Variants in CAMK2D observed in about 807,000 individuals in gnomAD.
CAMK2D encodes the protein calcium/calmodulin dependent protein kinase II delta.
CAMK2D carries 37 observed loss-of-function variants against 84.0 expected under a neutral mutation model. That is an observed-to-expected ratio of 0.44 (90% CI 0.34 to 0.58). The LOEUF is 0.58. Ranked by LOEUF, CAMK2D falls within the 20% of genes least tolerant of loss-of-function variation. CAMK2D has a pLI of 0.02. For synonymous variants in CAMK2D, 202 were observed against 212.5 expected (o/e 0.95, Z 0.43); for missense variants, 448 against 652.5 (o/e 0.69, Z 3.41).
chr4:113,505,697 C>G (rs2098119773), intron 13 of CAMK2D, among the ~76,000 whole-genome samples: 1 of 151,994 alleles, frequency 6.6e-6, no homozygotes, highest in Admixed American at 6.6e-5. Context: ...CATTTTCTGT[C>G]AATGTGCTAC....
chr4:113,603,704 CTTG>C (rs1199147835), intron 4 of CAMK2D, among the ~76,000 whole-genome samples: 4 of 142,828 alleles, frequency 2.8e-5, no homozygotes, highest in South Asian at 2.2e-4. Context: ...ATATATATTT[CTTG>C]TTATTATATA....
At chr4:113,630,797 G>T (rs1198832487) in intron 3 of CAMK2D, among the ~76,000 whole-genome samples, 1 of 152,142 alleles carries the variant, frequency 6.6e-6, no homozygotes, top group African/African-American at 2.4e-5. Flanking sequence ...GATGGGACAA[G>T]TCTACAAGCC....
intron 4 of CAMK2D, among the ~76,000 whole-genome samples, chr4:113,576,048 T>G (rs1323542489): frequency 6.6e-6 from 1 of 152,202 alleles, no homozygotes; most frequent in Non-Finnish European, 1.5e-5. Context: ...ATATATATAT[T>G]TAGACAGAGG....
intron 6 of CAMK2D, among the ~76,000 whole-genome samples, chr4:113,537,785 A>G (rs2098503509): frequency 1.3e-5 from 2 of 152,204 alleles, no homozygotes; most frequent in Non-Finnish European, 2.9e-5. Flanking sequence ...ACATTGACTT[A>G]GAAGCCTAAC....
intron 4 of CAMK2D, among the ~76,000 whole-genome samples, chr4:113,601,683 CTTT>C (rs755850795): frequency 1.7e-3 from 80 of 45,818 alleles, no homozygotes; most frequent in African/African-American, 7.3e-3. Flanking sequence ...ACTGTTTATT[CTTT>C]TTTTTTTTTT....
chr4:113,703,267 G>A (rs1438114234), intron 2 of CAMK2D, among the ~76,000 whole-genome samples: 2 of 152,180 alleles, frequency 1.3e-5, no homozygotes, highest in Non-Finnish European at 1.5e-5. Context: ...TATTAGTGGT[G>A]TAGAGAAAAT....
At chr4:113,509,184 C>T (rs1275233143) in intron 13 of CAMK2D, among the ~76,000 whole-genome samples, 2 of 152,066 alleles carry the variant, frequency 1.3e-5, no homozygotes, top group Non-Finnish European at 1.5e-5. Flanking sequence ...TAAAAACTGC[C>T]CAAGCAGATT....
chr4:113,547,793 T>TTAAA, intron 5 of CAMK2D, 77 bp from the exon 6 acceptor site: 1 of 899,096 alleles, frequency 1.1e-6, no homozygotes, highest in Non-Finnish European at 1.7e-6. Flanking sequence ...AGAGACTGGG[T>TTAAA]TAAAGTGCAG....
chr4:113,487,794 T>A (rs957959625), intron 16 of CAMK2D, among the ~76,000 whole-genome samples: 1 of 152,032 alleles, frequency 6.6e-6, no homozygotes, highest in African/African-American at 2.4e-5. Flanking sequence ...CTGTGACTGC[T>A]TGAATAGTTT....
intron 16 of CAMK2D, among the ~76,000 whole-genome samples, chr4:113,498,702 T>C (rs938315358): frequency 7.2e-5 from 11 of 152,188 alleles, no homozygotes; most frequent in African/African-American, 2.4e-4. Context: ...ATCATTGTTA[T>C]GATTTGAATT....
chr4:113,723,223 A>T (rs2099536243), intron 2 of CAMK2D, among the ~76,000 whole-genome samples: 1 of 151,560 alleles, frequency 6.6e-6, no homozygotes, highest in Non-Finnish European at 1.5e-5. Flanking sequence ...TACCAAAAAT[A>T]ACTTTTTTTT....
At position 113,692,587 on chromosome 4, in the gene CAMK2D, CAT is replaced by C. The variant is rs1262030449; in HGVS notation, c.161-30817_161-30816del. Among the ~76,000 whole-genome samples the C allele has an allele frequency of 1.1e-4, 16 of 151,772 alleles. 1 individual carries two copies. The highest frequency in any genetic ancestry group is 2.2e-4 in the Non-Finnish European group (15 of 67,890). On this transcript the variant is annotated intron_variant, in intron 2 of 20. Coordinates refer to ENST00000511664, the MANE Select transcript of CAMK2D (RefSeq NM_001321571.2). Reference sequence around the variant, plus strand: ...ATAGTCATACATACATATATTCACACATATTCATATATTCATACATACATATA... The same window carrying C: ...ATAGTCATACATACATATATTCACACATTCATATATTCATACATACATATA...
chr4:113,618,940 G>T (rs149201168), intron 3 of CAMK2D, among the ~76,000 whole-genome samples: 1 of 152,134 alleles, frequency 6.6e-6, no homozygotes, highest in Non-Finnish European at 1.5e-5. Flanking sequence ...TGTTTCTAAA[G>T]TAAAGAATAA....
chr4:113,594,758 A>T (rs2098916178), intron 4 of CAMK2D, among the ~76,000 whole-genome samples: 1 of 152,224 alleles, frequency 6.6e-6, no homozygotes, highest in Non-Finnish European at 1.5e-5. Flanking sequence ...AAGACTGATA[A>T]AAAAGAAAGC....
chr4:113,515,998 G>A (rs1035422930), intron 9 of CAMK2D, among the ~76,000 whole-genome samples: 7 of 152,038 alleles, frequency 4.6e-5, no homozygotes, highest in Non-Finnish European at 1.0e-4. Context: ...GTCCTTCAAC[G>A]ATGAAGGGAA....
At chr4:113,553,521 A>AAC (rs2098644390) in intron 4 of CAMK2D, among the ~76,000 whole-genome samples, 2 of 152,344 alleles carry the variant, frequency 1.3e-5, no homozygotes, top group African/African-American at 4.8e-5. Context: ...ATCACCAGTT[A>AAC]GTATTCTCTC....
chr4:113,651,683 T>C (rs999063097), intron 3 of CAMK2D, among the ~76,000 whole-genome samples: 1 of 152,188 alleles, frequency 6.6e-6, no homozygotes, highest in Admixed American at 6.5e-5. Context: ...AAATGTTTTG[T>C]CATACATTGT....
Position 113,761,170 on chromosome 4 carries a change from C to A in CAMK2D, c.-102G>T. 1.3e-6 allele frequency: 2 copies of A among 1,594,304 alleles called. No homozygotes were observed. The highest frequency in any genetic ancestry group is 8.5e-7 in the Non-Finnish European group (1 of 1,174,232). On this transcript the variant is annotated 5_prime_UTR_variant, in exon 1 of 21. Coordinates refer to ENST00000511664, the MANE Select transcript of CAMK2D (RefSeq NM_001321571.2). The stretch of plus-strand genomic sequence containing the variant: ...GCCCCGCGGCGCTGTCACCCAGGGC[C>A]GCTCTTACTTTCCTGGTCCGAAAGT...
In CAMK2D at chr4:113,504,238, G is replaced by GA. The variant is rs1160616072; in HGVS notation, c.1044+737dup. On this transcript the variant is annotated intron_variant, in intron 14 of 20. Transcript: ENST00000511664. ...GGAAAATGTTATGGAACTCAGCACT[G>GA]AATGACAGTATTCAAATTCTGAATT... Among the ~76,000 whole-genome samples the GA allele has an allele frequency of 5.9e-5, 9 of 152,260 alleles. No individual in the cohort carries two copies. In the East Asian group the frequency reaches 1.7e-3, roughly 29 times the overall value.
Sources: allele counts gnomAD v4.1 joint callset (sites outside exome capture counted in the v4.1 genomes callset), GRCh38; gene constraint gnomAD v4.1.1; transcripts MANE v1.5; gene names NCBI Gene and HGNC (gene_info 2026-07-23, HGNC 2026-07-21).